IFT140: variants seen among roughly 807,000 people sequenced by gnomAD.
IFT140 encodes the protein intraflagellar transport protein 140 homolog.
IFT140 carries 133 observed loss-of-function variants against 164.6 expected under a neutral mutation model. The ratio of observed to expected loss-of-function variants is 0.81; its 90% CI spans 0.70 to 0.93. The LOEUF (loss-of-function observed/expected upper bound fraction) is 0.93, where lower values mean the gene tolerates loss of function less well. Among genes scored for constraint, IFT140 ranks in the 40% least tolerant of loss-of-function variants. IFT140 has a pLI of 0.00. For missense variants in IFT140, 2,045 were observed against 1,972.3 expected (o/e 1.04, Z -0.70); for synonymous variants, 860 against 817.3 (o/e 1.05, Z -0.89).
intron 26 of IFT140, among the ~76,000 whole-genome samples, chr16:1,521,743 G>A (rs921522901): frequency 3.3e-5 from 5 of 151,386 alleles, no homozygotes; most frequent in East Asian, 2.0e-4. Flanking sequence ...GTCTTAGGCC[G>A]GGCATGTTGG....
chr16:1,526,191 G>A lies in IFT140; in HGVS notation c.2578-114C>T. On this transcript the variant is annotated intron_variant, in intron 20 of 30. Transcript: ENST00000426508. ...ACCTTCCCACACCGCCAAGCACACT[G>A]ACACACGGGGCCGCTGTGGGCACAG... The A allele has an allele frequency of 3.0e-6, 3 of 1,009,012 alleles. No homozygotes were observed. In the Admixed American group the frequency reaches 7.0e-5, roughly 23 times the overall value. The allele number at this position is 1,009,012 out of a possible 1,614,324, so 62.5% of individuals were successfully genotyped here.
chr16:1,513,713 G>A (rs372101094), intron 30 of IFT140, among the ~76,000 whole-genome samples: 401 of 148,568 alleles, frequency 2.7e-3, no homozygotes, highest in African/African-American at 5.5e-3. Flanking sequence ...TTGCTGTGTC[G>A]CCCAGGCTGG....
chr16:1,601,591 G>A (rs1269907322), intron 4 of IFT140, among the ~76,000 whole-genome samples: 1 of 152,254 alleles, frequency 6.6e-6, no homozygotes, highest in Non-Finnish European at 1.5e-5. Context: ...GGAACAGCGG[G>A]CGAATCGACA....
intron 2 of IFT140, among the ~76,000 whole-genome samples, chr16:1,609,249 T>C (rs2036225491): frequency 6.6e-6 from 1 of 152,146 alleles, no homozygotes. Flanking sequence ...TCTGTGAAAA[T>C]ATTTCTCTGA....
At chr16:1,519,068 G>A (rs2040445441) in intron 29 of IFT140, among the ~76,000 whole-genome samples, 1 of 152,148 alleles carries the variant, frequency 6.6e-6, no homozygotes, top group South Asian at 2.1e-4. Flanking sequence ...TGCTATCCCT[G>A]ATGACCAGCT....
At chr16:1,561,859 G>T in intron 18 of IFT140, 126 bp downstream of exon 18, 2 of 906,402 alleles carry the variant, frequency 2.2e-6, no homozygotes, top group South Asian at 2.3e-5. Flanking sequence ...TGCTGTCTAC[G>T]GAGAGGGAAG....
intron 19 of IFT140, among the ~76,000 whole-genome samples, chr16:1,550,872 G>A (rs749502174): frequency 2.0e-5 from 3 of 152,222 alleles, no homozygotes; most frequent in African/African-American, 7.2e-5. Context: ...TGACCCTAGC[G>A]TGGTCCCCGG....
At chr16:1,560,214 C>G (rs3784837) in intron 18 of IFT140, among the ~76,000 whole-genome samples, 20,658 of 152,180 alleles carry the variant, frequency 0.14, 1,600 homozygotes, top group Admixed American at 0.22. Context: ...GGGAGCCCTC[C>G]ATTTGGCGAA....
Position 1,592,533 on chromosome 16 carries a change from G to A in IFT140, c.425C>T (p.Pro142Leu). 3.1e-6 allele frequency: 5 copies of A among 1,614,256 alleles called. No individual in the cohort carries two copies. Among genetic ancestry groups the A allele is most frequent in the East Asian group, 2.2e-5 (1 of 44,882 alleles). ...LDQRGRVQGT[P>L]LLKHEYGKHL... ...TTTCCCATACTCGTGTTTCAGCAGAGGCGTCCCTTGCACTCGGCCCCTTTG... is the reference window on the plus strand; with the variant it reads ...TTTCCCATACTCGTGTTTCAGCAGAAGCGTCCCTTGCACTCGGCCCCTTTG... The change falls in exon 5 of 31, where the codon CCT (proline) becomes CTT (leucine). Residue 142 changes from proline (P) to leucine (L), a missense_variant. Pro to Leu is a moderately conservative substitution (Grantham distance 98). Transcript: ENST00000426508.
At chr16:1,599,847 C>A (rs1174366140) in intron 4 of IFT140, among the ~76,000 whole-genome samples, 1 of 93,096 alleles carries the variant, frequency 1.1e-5, no homozygotes, top group Admixed American at 9.7e-5. Flanking sequence ...AGCCCCCCTG[C>A]CCGGCCAGCC....
chr16:1,539,337 T>C (rs2031403169), intron 19 of IFT140, among the ~76,000 whole-genome samples: 1 of 145,740 alleles, frequency 6.9e-6, no homozygotes, highest in South Asian at 2.2e-4. Flanking sequence ...AGCCACATGG[T>C]GCAAATGCCG....
At chr16:1,557,587 T>C in intron 19 of IFT140, 1 of 237,086 alleles carries the variant, frequency 4.2e-6, no homozygotes, top group Non-Finnish European at 8.2e-6. Context: ...GCATTTTTAA[T>C]TGTGTTTCCA....
At chr16:1,528,491 TCA>T (rs978704713) in intron 19 of IFT140, among the ~76,000 whole-genome samples, 6 of 143,614 alleles carry the variant, frequency 4.2e-5, no homozygotes, top group East Asian at 2.1e-4. Flanking sequence ...GCACATGCAC[TCA>T]CATACACACA....
chr16:1,579,128 A>G (rs1171427992), intron 13 of IFT140: 1 of 152,254 alleles, frequency 6.6e-6, no homozygotes, highest in Admixed American at 6.5e-5. Context: ...TGTATGTATC[A>G]TATACTGTTT....
chr16:1,592,372 C>T, intron 5 of IFT140, 54 bp from the exon 6 acceptor site: 1 of 1,612,504 alleles, frequency 6.2e-7, no homozygotes, highest in Non-Finnish European at 8.5e-7. Context: ...TACAGCACCT[C>T]AGGGCTGGGG....
intron 4 of IFT140, among the ~76,000 whole-genome samples, chr16:1,597,274 C>A (rs1428242371): frequency 1.3e-5 from 2 of 152,170 alleles, no homozygotes; most frequent in African/African-American, 4.8e-5. Context: ...CTTCTAAGGA[C>A]ACTTAGTGGG....
Position 1,519,686 on chromosome 16 carries a change from G to C in IFT140, c.4040+195C>G, listed in dbSNP as rs115004568. Among the ~76,000 whole-genome samples the C allele has an allele frequency of 2.2e-3, 342 of 152,306 alleles. 1 individual carries two copies. Among genetic ancestry groups the C allele is most frequent in the African/African-American group, 7.5e-3 (311 of 41,566 alleles). On this transcript the variant is annotated intron_variant, in intron 29 of 30. Transcript: ENST00000426508. The stretch of plus-strand genomic sequence containing the variant: ...TCTCTCAGCGTCTCTGGTGTTTCCA[G>C]AACACCTTCCCAAGGCTGTGCCCGG...
chr16:1,607,015 C>T, intron 3 of IFT140, 105 bp downstream of exon 3: 2 of 1,135,600 alleles, frequency 1.8e-6, no homozygotes, highest in Non-Finnish European at 2.6e-6. Flanking sequence ...CACACACACA[C>T]CCATAGGCAC....
chr16:1,558,780 A>G (rs2033244329), intron 18 of IFT140, among the ~76,000 whole-genome samples: 1 of 152,136 alleles, frequency 6.6e-6, no homozygotes. Flanking sequence ...CTCTGAGAGC[A>G]CACGCACTCC....
Sources: gnomAD v4.1 joint callset for allele counts (sites outside exome capture counted in the v4.1 genomes callset) on GRCh38, gnomAD v4.1.1 for gene constraint, MANE v1.5 for transcripts, NCBI Gene and HGNC (gene_info 2026-07-23, HGNC 2026-07-21) for gene names.